The following EOGT variants were observed in gnomAD, a reference collection of about 807,000 sequenced individuals.
The protein encoded by EOGT is EGF domain specific O-linked N-acetylglucosamine transferase, also known as EGF domain-specific O-linked N-acetylglucosamine transferase.
Under a neutral mutation model 70.5 loss-of-function variants are expected in EOGT, and 55 were observed. The ratio of observed to expected loss-of-function variants is 0.78; its 90% CI spans 0.63 to 0.98. The LOEUF (loss-of-function observed/expected upper bound fraction) is 0.98. EOGT is among the 50% of genes least tolerant of loss of function. The probability of loss-of-function intolerance (pLI) is 0.00; values close to 1 mark genes in which losing one functional copy is unlikely to be tolerated. For missense variants in EOGT, 703 were observed against 641.9 expected (o/e 1.10, Z -1.03); for synonymous variants, 246 against 217.1 (o/e 1.13, Z -1.17).
chr3:69,005,148 A>C lies in EOGT; in HGVS notation c.507T>G (p.Asn169Lys). The C allele has an allele frequency of 1.0e-5, 16 of 1,555,896 alleles. No individual in the cohort carries two copies. Among genetic ancestry groups the C allele is most frequent in the Non-Finnish European group, 1.4e-5 (16 of 1,130,866 alleles). ...ATTAACCACTAAAGTACCTGTCATGATTTCTCTTGATGTTTCTTAAATCAA... is the reference window on the plus strand; with the variant it reads ...ATTAACCACTAAAGTACCTGTCATGCTTTCTCTTGATGTTTCTTAAATCAA... The part of the protein sequence containing the change: ...LYLDLRNIKR[N>K]HDRFKEDFFQ... The change falls in exon 7 of 18, where the codon AAT becomes AAG. Residue 169 changes from asparagine (N) to lysine (K), a missense_variant. Transcript: ENST00000383701.
intron 14 of EOGT, among the ~76,000 whole-genome samples, chr3:68,986,596 C>G (rs1444408219): frequency 1.3e-5 from 2 of 152,218 alleles, no homozygotes; most frequent in African/African-American, 2.4e-5. Context: ...GAGAGGCTCT[C>G]TCCCTTGCTA....
chr3:68,979,752 T>C lies in EOGT; in HGVS notation c.1250A>G (p.His417Arg), dbSNP rs2090581250. The C allele has an allele frequency of 6.2e-7, 1 of 1,613,646 alleles. No homozygotes were observed. The highest frequency in any genetic ancestry group is 8.5e-7 in the Non-Finnish European group (1 of 1,179,654). The change falls in exon 16 of 18, where the codon CAC (histidine) becomes CGC (arginine). Residue 417 changes from histidine (H) to arginine (R), a missense_variant. His to Arg is a conservative substitution (Grantham distance 29, BLOSUM62 0). Coordinates refer to ENST00000383701, the MANE Select transcript of EOGT (RefSeq NM_001278689.2). ...LGFLDQLRIT[H>R]NTDIFIGMHG... ...CATTCCAATAAATATGTCCGTGTTG[T>C]GTGTGATCCTTAGTTGATCTAAAAA... is the stretch of plus-strand genomic sequence containing the variant.
At chr3:69,010,947 G>A (rs750444576) in intron 3 of EOGT, among the ~76,000 whole-genome samples, 11 of 152,202 alleles carry the variant, frequency 7.2e-5, no homozygotes, top group Non-Finnish European at 1.5e-4. Context: ...TTACATGCTA[G>A]TAGGTATAAT....
At chr3:68,991,883 G>A (rs888333976) in intron 10 of EOGT, among the ~76,000 whole-genome samples, 10 of 152,140 alleles carry the variant, frequency 6.6e-5, no homozygotes, top group African/African-American at 1.9e-4. Context: ...CTTCTTACAT[G>A]GCAGCGGCAA....
chr3:69,009,559 T>C, intron 4 of EOGT, 78 bp downstream of exon 4: 1 of 1,108,048 alleles, frequency 9.0e-7, no homozygotes, highest in Non-Finnish European at 1.3e-6. Flanking sequence ...GCCTTCAGTT[T>C]CAGGTTATAA....
At chr3:69,000,922 CT>C (rs2091277964) in intron 9 of EOGT, among the ~76,000 whole-genome samples, 1 of 151,614 alleles carries the variant, frequency 6.6e-6, no homozygotes, top group African/African-American at 2.4e-5. Flanking sequence ...GTCATGGACA[CT>C]TCTTTCCCAC....
At chr3:69,001,510 T>A (rs111464238) in intron 9 of EOGT, 98 bp downstream of exon 9, 6 of 748,264 alleles carry the variant, frequency 8.0e-6, no homozygotes, top group African/African-American at 1.8e-5. Context: ...CTGTTTGTCA[T>A]ACTGCTTCCA....
At chr3:68,987,831 G>C in intron 13 of EOGT, 1 of 422,878 alleles carries the variant, frequency 2.4e-6, no homozygotes, top group Non-Finnish European at 4.2e-6. Flanking sequence ...AAGGAGGACA[G>C]GAGGAAGCAC....
Position 68,977,266 on chromosome 3 carries a change from G to A in EOGT, c.*352C>T. 1 of 176,758 alleles carries A rather than the reference G, an allele frequency of 5.7e-6. No homozygotes were observed. Among genetic ancestry groups the A allele is most frequent in the South Asian group, 1.2e-4 (1 of 8,428 alleles). 10.9% of individuals were successfully genotyped at this position (176,758 alleles called of 1,614,324 possible). The stretch of plus-strand genomic sequence containing the variant: ...GCTTGAACCTGGGGAGGCAGAAGTT[G>A]CATAAACTGAGATCATGCCACTGCA... On this transcript the variant is annotated 3_prime_UTR_variant, in exon 18 of 18. Transcript: ENST00000383701.
In EOGT at chr3:68,989,020, G is replaced by A. The variant is rs1318085568; in HGVS notation, c.832-3C>T. ...AGGTCACCATATCCGTAAGAACTCT[G>A]AAAGTAGAAACAAAACAAGGTTTTA... On this transcript the variant is annotated splice_region_variant and splice_polypyrimidine_tract_variant and intron_variant, in intron 10 of 17. Coordinates refer to ENST00000383701, the MANE Select transcript of EOGT (RefSeq NM_001278689.2). 1.3e-6 allele frequency: 2 copies of A among 1,503,038 alleles called. No individual in the cohort carries two copies. Among genetic ancestry groups the A allele is most frequent in the Non-Finnish European group, 1.8e-6 (2 of 1,122,686 alleles). The allele number at this position is 1,503,038 out of a possible 1,614,324, so 93.1% of individuals were successfully genotyped here. A position where few individuals can be genotyped will look rare whatever the true frequency, so the allele number is the denominator to read the frequency against.
At chr3:68,979,889 GC>G in intron 15 of EOGT, 102 bp from the exon 16 acceptor site, 2 of 1,172,270 alleles carry the variant, frequency 1.7e-6, no homozygotes, top group Non-Finnish European at 2.3e-6. Flanking sequence ...AAAGTGTATT[GC>G]CCATTTTAAA....
intron 15 of EOGT, among the ~76,000 whole-genome samples, chr3:68,980,112 T>G (rs1373091462): frequency 1.3e-5 from 2 of 152,172 alleles, no homozygotes; most frequent in African/African-American, 2.4e-5. Flanking sequence ...ATAATCAAAC[T>G]AAGTAGTGTT....
intron 6 of EOGT, among the ~76,000 whole-genome samples, chr3:69,005,875 C>T (rs1354103107): frequency 1.3e-5 from 2 of 152,166 alleles, no homozygotes; most frequent in African/African-American, 4.8e-5. Flanking sequence ...ATTTAAATGC[C>T]ATTTTAATTG....
chr3:68,978,441 G>A lies in EOGT; in HGVS notation c.1335-6C>T. On this transcript the variant is annotated splice_region_variant and splice_polypyrimidine_tract_variant and intron_variant, in intron 16 of 17. Coordinates refer to ENST00000383701, the MANE Select transcript of EOGT (RefSeq NM_001278689.2). ...GTTCATCTTCACAGTTGTACCTAAG[G>A]ACACAAGGGTGTCACAACATGAGGC... The A allele has an allele frequency of 4.4e-6, 7 of 1,579,914 alleles. No homozygotes were observed. The highest frequency in any genetic ancestry group is 6.0e-6 in the Non-Finnish European group (7 of 1,165,678).
intron 15 of EOGT, among the ~76,000 whole-genome samples, chr3:68,981,929 C>T (rs2090655671): frequency 6.7e-6 from 1 of 149,960 alleles, no homozygotes; most frequent in African/African-American, 2.5e-5. Context: ...TTTTTTGAGA[C>T]AGAGCCTCGT....
At position 68,977,336 on chromosome 3, in the gene EOGT, AAG is replaced by A; in HGVS notation, c.*280_*281del. The A allele has an allele frequency of 1.5e-5, 4 of 258,356 alleles. No individual in the cohort carries two copies. Among genetic ancestry groups the A allele is most frequent in the Non-Finnish European group, 2.2e-5 (3 of 138,894 alleles). The allele number at this position is 258,356 out of a possible 1,614,324, so 16.0% of individuals were successfully genotyped here. A position where few individuals can be genotyped will look rare whatever the true frequency, so the allele number is the denominator to read the frequency against. On this transcript the variant is annotated 3_prime_UTR_variant, in exon 18 of 18. Transcript: ENST00000383701. ...GAGACTCTGTCTCCAAAAAAAAAAA[AAG>A]AAAGAAAGAAAGTTAAAGTATACTG... is the stretch of plus-strand genomic sequence containing the variant.
Position 69,011,206 on chromosome 3 carries a change from T to TTTTTTTTTTTA in EOGT, c.-15+729_-15+730insTAAAAAAAAAA, listed in dbSNP as rs1553674989. 8.4e-4 allele frequency among the ~76,000 whole-genome samples: 127 copies of TTTTTTTTTTTA among 150,352 alleles called. 1 individual carries two copies. Among genetic ancestry groups the TTTTTTTTTTTA allele is most frequent in the African/African-American group, 3.0e-3 (123 of 40,800 alleles). ...GGGATCTTTGTTCTTTTTTTTTTTT[T>TTTTTTTTTTTA]AAGTGCTCTTTCCACTGGATGACAG... On this transcript the variant is annotated intron_variant, in intron 3 of 17. Transcript: ENST00000383701.
intron 3 of EOGT, among the ~76,000 whole-genome samples, chr3:69,011,564 C>T (rs930697958): frequency 1.4e-5 from 2 of 143,432 alleles, no homozygotes; most frequent in Admixed American, 1.4e-4. Context: ...CACTGCACTC[C>T]AGCCTGGGTA....
chr3:68,987,571 C>T (rs1575726938), intron 13 of EOGT, 58 bp from the exon 14 acceptor site: 3 of 1,225,778 alleles, frequency 2.4e-6, no homozygotes, highest in East Asian at 4.7e-5. Flanking sequence ...GATGAATGAA[C>T]ATCTGAACCC....
Sources: allele counts gnomAD v4.1 joint callset (sites outside exome capture counted in the v4.1 genomes callset), GRCh38; gene constraint gnomAD v4.1.1; transcripts MANE v1.5; gene names NCBI Gene and HGNC (gene_info 2026-07-23, HGNC 2026-07-21).